The following FREM1 variants were observed in gnomAD, a reference collection of about 807,000 sequenced individuals.
The protein encoded by FREM1 is FRAS1-related extracellular matrix protein 1.
A neutral mutation model predicts 210.1 loss-of-function variants in FREM1; 220 were observed. The ratio of observed to expected loss-of-function variants is 1.05; its 90% CI spans 0.94 to 1.17. FREM1 has a LOEUF of 1.17. FREM1 is among the 50% of genes most tolerant of loss of function. The pLI, the probability that FREM1 is intolerant of heterozygous loss-of-function variation, is 0.00. For synonymous variants in FREM1, 1,189 were observed against 980.2 expected (o/e 1.21, Z -3.98); for missense variants, 3,454 against 2,675.5 (o/e 1.29, Z -6.42).
chr9:14,877,588 A>G (rs1834004913), intron 1 of FREM1, among the ~76,000 whole-genome samples: 1 of 151,958 alleles, frequency 6.6e-6, no homozygotes, highest in African/African-American at 2.4e-5. Context: ...CACTCCTATG[A>G]TTACATTTTG....
intron 14 of FREM1, 130 bp downstream of exon 14, chr9:14,819,104 T>C: frequency 1.8e-6 from 1 of 556,896 alleles, no homozygotes; most frequent in Non-Finnish European, 3.1e-6. Context: ...AACTGACCCG[T>C]TGAGTGTGTT....
At chr9:14,858,630 C>A (rs1156952957) in intron 4 of FREM1, among the ~76,000 whole-genome samples, 2 of 151,262 alleles carry the variant, frequency 1.3e-5, no homozygotes, top group Non-Finnish European at 2.9e-5. Context: ...CCTTATATTT[C>A]TTGGCTTCTC....
At chr9:14,821,250 A>C (rs1821257341) in intron 13 of FREM1, among the ~76,000 whole-genome samples, 1 of 152,138 alleles carries the variant, frequency 6.6e-6, no homozygotes, top group African/African-American at 2.4e-5. Context: ...CAGCTTTTTG[A>C]GGGACTATTT....
intron 19 of FREM1, among the ~76,000 whole-genome samples, chr9:14,803,850 A>G (rs570769998): frequency 1.3e-5 from 2 of 152,330 alleles, no homozygotes; most frequent in African/African-American, 4.8e-5. Flanking sequence ...TCATAGTTCA[A>G]CTTACAATGG....
intron 35 of FREM1, 113 bp from the exon 36 acceptor site, chr9:14,740,347 T>C (rs1270861977): frequency 2.6e-6 from 2 of 756,036 alleles, no homozygotes; most frequent in African/African-American, 3.5e-5. Context: ...AGTAGGTCTT[T>C]AAAAAAACTT....
chr9:14,895,235 C>A (rs1373759462), intron 1 of FREM1, among the ~76,000 whole-genome samples: 4 of 152,214 alleles, frequency 2.6e-5, no homozygotes, highest in African/African-American at 9.6e-5. Flanking sequence ...ATTCCTGCTG[C>A]ACTTCATACA....
chr9:14,798,796 C>G (rs1297747723), intron 20 of FREM1, among the ~76,000 whole-genome samples: 2 of 152,040 alleles, frequency 1.3e-5, no homozygotes, highest in African/African-American at 4.8e-5. Context: ...GCCTCAGCCT[C>G]CCAAGTAGCT....
At chr9:14,797,340 G>T (rs1194628042) in intron 21 of FREM1, among the ~76,000 whole-genome samples, 158 bp downstream of exon 21, 1 of 152,194 alleles carries the variant, frequency 6.6e-6, no homozygotes, top group Non-Finnish European at 1.5e-5. Flanking sequence ...ACTAACATTT[G>T]CACTAAAGGT....
chr9:14,836,321 T>C lies in FREM1; in HGVS notation c.1881+5126A>G, dbSNP rs796331331. ...TTTGCTTAATTATTATCCTTATAAC[T>C]GGGATAATAGTTACTGACAAAAAGA... On this transcript the variant is annotated intron_variant, in intron 10 of 36. Coordinates refer to ENST00000380880, the MANE Select transcript of FREM1 (RefSeq NM_001379081.2). The surrounding 1 kb of genome is among the most constrained non-coding windows in gnomAD (Gnocchi z 4.9). 2.0e-4 allele frequency among the ~76,000 whole-genome samples: 30 copies of C among 152,356 alleles called. 1 individual carries two copies. The highest frequency in any genetic ancestry group is 7.2e-4 in the African/African-American group (30 of 41,582).
intron 10 of FREM1, among the ~76,000 whole-genome samples, chr9:14,832,843 G>A (rs1412174347): frequency 6.6e-6 from 1 of 152,114 alleles, no homozygotes; most frequent in African/African-American, 2.4e-5. Flanking sequence ...TGTAAGGTTG[G>A]TCTTAAGCTG....
intron 36 of FREM1, among the ~76,000 whole-genome samples, chr9:14,737,978 T>C (rs188806227): frequency 1.3e-5 from 2 of 152,322 alleles, no homozygotes; most frequent in East Asian, 3.9e-4. Context: ...CATATCATCC[T>C]ACATGCAGAA....
chr9:14,848,032 A>T (rs181713228), intron 7 of FREM1, among the ~76,000 whole-genome samples: 58 of 152,338 alleles, frequency 3.8e-4, no homozygotes, highest in Non-Finnish European at 2.9e-5. Flanking sequence ...CCACCTGAGG[A>T]TTTAAATCAG....
intron 1 of FREM1, among the ~76,000 whole-genome samples, chr9:14,877,444 C>CTTTTTTTTTTTTTTTTT (rs1554717635): frequency 2.0e-5 from 3 of 146,484 alleles, no homozygotes; most frequent in Non-Finnish European, 4.5e-5. Flanking sequence ...CTTGTTGTTT[C>CTTTTTTTTTTTTTTTTT]TTTATGGTAG....
intron 15 of FREM1, among the ~76,000 whole-genome samples, chr9:14,816,159 A>G (rs1229870431): frequency 6.6e-6 from 1 of 152,236 alleles, no homozygotes; most frequent in African/African-American, 2.4e-5. Flanking sequence ...GTTCAAAGAT[A>G]TTAGAAATAA....
chr9:14,862,263 T>C (rs1830726277), intron 3 of FREM1, among the ~76,000 whole-genome samples: 1 of 152,220 alleles, frequency 6.6e-6, no homozygotes, highest in Admixed American at 6.5e-5. Context: ...TGGCCTGTAA[T>C]AGGTGGTCAT....
chr9:14,833,096 G>C (rs900768058), intron 10 of FREM1, among the ~76,000 whole-genome samples: 1 of 152,080 alleles, frequency 6.6e-6, no homozygotes, highest in Admixed American at 6.5e-5. Flanking sequence ...CTGTCTTCTT[G>C]TGCTAAGTCA....
intron 25 of FREM1, 121 bp from the exon 26 acceptor site, chr9:14,770,927 C>T: frequency 3.0e-6 from 2 of 667,216 alleles, no homozygotes; most frequent in Non-Finnish European, 2.6e-6. Flanking sequence ...ATACTCCTCA[C>T]TAGTGGATTC....
chr9:14,771,969 G>A (rs979077873), intron 25 of FREM1, among the ~76,000 whole-genome samples: 1 of 151,660 alleles, frequency 6.6e-6, no homozygotes, highest in Non-Finnish European at 1.5e-5. Flanking sequence ...TATAGACATA[G>A]GCAAAAATCT....
chr9:14,841,524 C>A lies in FREM1; in HGVS notation c.1804G>T (p.Gly602Cys). 1 of 1,611,870 alleles carries A rather than the reference C, an allele frequency of 6.2e-7. No homozygotes were observed. The highest frequency in any genetic ancestry group is 8.5e-7 in the Non-Finnish European group (1 of 1,178,444). Reference sequence around the variant, plus strand: ...AAAGAATCTTCAAAGATTTCTCCACCAAAATGACGATAATAAATGATTCCA... The same window carrying A: ...AAAGAATCTTCAAAGATTTCTCCACAAAAATGACGATAATAAATGATTCCA... ...FNGIIYYRHF[G>C]GEIFEDSFQF... The change falls in exon 10 of 37, where the codon GGT (glycine) becomes TGT (cysteine). Residue 602 changes from glycine to cysteine, a missense_variant. Physicochemically the swap from Gly to Cys is radical, Grantham distance 159. Transcript: ENST00000380880.
Sources: gnomAD v4.1 joint callset for allele counts (sites outside exome capture counted in the v4.1 genomes callset) on GRCh38, gnomAD v4.1.1 for gene constraint, Gnocchi (gnomAD v3.1) non-coding constraint, MANE v1.5 for transcripts, NCBI Gene and HGNC (gene_info 2026-07-23, HGNC 2026-07-21) for gene names.